GRID2: variants seen among roughly 807,000 people sequenced by gnomAD.
The protein encoded by GRID2 is glutamate receptor ionotropic, delta-2.
A neutral mutation model predicts 114.8 loss-of-function variants in GRID2; 33 were observed. The observed-to-expected ratio is 0.29, with a 90% CI of 0.22 to 0.38. The LOEUF is 0.38. GRID2 is among the 10% of genes least tolerant of loss of function. The pLI, the probability that GRID2 is intolerant of heterozygous loss-of-function variation, is 1.00. For synonymous variants in GRID2, 505 were observed against 449.9 expected (o/e 1.12, Z -1.55); for missense variants, 1,184 against 1,257.7 (o/e 0.94, Z 0.89).
At chr4:92,603,587 C>G (rs1729322302) in intron 2 of GRID2, among the ~76,000 whole-genome samples, 1 of 152,028 alleles carries the variant, frequency 6.6e-6, no homozygotes, top group South Asian at 2.1e-4. Context: ...GATAAAAACC[C>G]TACAAGAAAA....
chr4:92,874,679 A>G (rs184106599), intron 2 of GRID2, among the ~76,000 whole-genome samples: 20 of 152,312 alleles, frequency 1.3e-4, no homozygotes, highest in East Asian at 1.9e-4. Flanking sequence ...AATATTTTTC[A>G]TCTTTTCTAT....
At chr4:93,604,196 G>A (rs1459695794) in intron 13 of GRID2, among the ~76,000 whole-genome samples, 1 of 152,210 alleles carries the variant, frequency 6.6e-6, no homozygotes, top group African/African-American at 2.4e-5. Context: ...ATGGGAGGAA[G>A]TCAAAATGTC....
In GRID2 at chr4:93,660,648, A is replaced by C. The variant is rs148597188; in HGVS notation, c.2360+34213A>C. Among the ~76,000 whole-genome samples, 633 of 152,324 alleles carry C rather than the reference A, an allele frequency of 4.2e-3. 7 individuals are homozygous for C. Among genetic ancestry groups the C allele is most frequent in the African/African-American group, 0.015 (609 of 41,554 alleles). ...AGTTTAAAATTATAAATATGTCAAA[A>C]ATTGTGACAGTCTGAGATCTTATAT... On this transcript the variant is annotated intron_variant, in intron 14 of 15. Coordinates refer to ENST00000282020, the MANE Select transcript of GRID2 (RefSeq NM_001510.4).
intron 2 of GRID2, among the ~76,000 whole-genome samples, chr4:92,818,685 C>T (rs1357767828): frequency 6.6e-6 from 1 of 152,112 alleles, no homozygotes; most frequent in Non-Finnish European, 1.5e-5. Context: ...AATCTCTTAC[C>T]TCACCCAGAG....
At chr4:92,876,360 A>G (rs937306242) in intron 2 of GRID2, among the ~76,000 whole-genome samples, 1 of 151,476 alleles carries the variant, frequency 6.6e-6, no homozygotes, top group Admixed American at 6.6e-5. Flanking sequence ...GTGCAGTGGC[A>G]CCATCTCGGC....
intron 14 of GRID2, among the ~76,000 whole-genome samples, chr4:93,664,960 A>G (rs1348953567): frequency 6.6e-6 from 1 of 152,200 alleles, no homozygotes; most frequent in Non-Finnish European, 1.5e-5. Context: ...GTGTTTATCA[A>G]AATCATCATG....
At chr4:93,621,453 G>C (rs1328294725) in intron 13 of GRID2, among the ~76,000 whole-genome samples, 2 of 152,154 alleles carry the variant, frequency 1.3e-5, no homozygotes, top group Non-Finnish European at 2.9e-5. Flanking sequence ...GTTTAACCTA[G>C]TATGAAGGAC....
chr4:93,159,667 A>G (rs1203870408), intron 4 of GRID2, among the ~76,000 whole-genome samples: 1 of 150,636 alleles, frequency 6.6e-6, no homozygotes, highest in Non-Finnish European at 1.5e-5. Flanking sequence ...TGAAAATAAG[A>G]CAGATAAGAA....
intron 4 of GRID2, chr4:93,203,990 A>C (rs955309482): frequency 9.2e-5 from 14 of 152,176 alleles, no homozygotes; most frequent in Non-Finnish European, 1.6e-4. Context: ...TGGGAAATGT[A>C]GTCTAGCTGA....
chr4:93,549,490 A>G (rs1239504976), intron 13 of GRID2, among the ~76,000 whole-genome samples: 6 of 152,208 alleles, frequency 3.9e-5, no homozygotes. Context: ...TTTGAAGCAA[A>G]TTCATCGTGT....
chr4:93,022,764 T>G (rs926511153), intron 2 of GRID2, among the ~76,000 whole-genome samples: 1 of 152,150 alleles, frequency 6.6e-6, no homozygotes, highest in East Asian at 1.9e-4. Flanking sequence ...TAAAGTATTA[T>G]GCTCATTTTT....
At position 92,688,037 on chromosome 4, in the gene GRID2, C is replaced by CTTTTTTTT. The variant is rs760605020; in HGVS notation, c.244+97773_244+97780dup. Among the ~76,000 whole-genome samples, 267 of 44,680 alleles carry CTTTTTTTT rather than the reference C, an allele frequency of 6.0e-3. 28 individuals carry two copies. The highest frequency in any genetic ancestry group is 8.6e-3 in the Non-Finnish European group (212 of 24,666). The allele number at this position is 44,680 out of a possible 152,430, so 29.3% of individuals were successfully genotyped here. On this transcript the variant is annotated intron_variant, in intron 2 of 15. Transcript: ENST00000282020. ...GCCACATTGGTTGACCCTTCTTCTT[C>CTTTTTTTT]TTTTTTTTTTTTTTTTTTTTTTTTT... is the stretch of plus-strand genomic sequence containing the variant.
intron 2 of GRID2, among the ~76,000 whole-genome samples, chr4:93,028,384 A>G (rs1724076803): frequency 1.3e-5 from 2 of 152,160 alleles, no homozygotes; most frequent in South Asian, 4.1e-4. Flanking sequence ...TATCCATGGA[A>G]CTGCAAAACC....
intron 2 of GRID2, among the ~76,000 whole-genome samples, chr4:92,753,802 A>G (rs17019876): frequency 0.087 from 13,310 of 152,230 alleles, 672 homozygotes; most frequent in African/African-American, 0.14. Flanking sequence ...TGACTCCCCA[A>G]TGAACAAATG....
chr4:92,982,289 ATATAATAT>A (rs1448144426), intron 2 of GRID2, among the ~76,000 whole-genome samples: 1 of 152,048 alleles, frequency 6.6e-6, no homozygotes, highest in Non-Finnish European at 1.5e-5. Context: ...GTTGCAAAGT[ATATAATAT>A]TACCAGTTGA....
At chr4:93,379,033 G>C (rs1020366672) in intron 8 of GRID2, among the ~76,000 whole-genome samples, 3 of 151,882 alleles carry the variant, frequency 2.0e-5, no homozygotes, top group Admixed American at 6.6e-5. Flanking sequence ...AGTGATACCT[G>C]TTTTTTTATT....
At chr4:93,061,934 G>A (rs527341791) in intron 2 of GRID2, among the ~76,000 whole-genome samples, 1 of 152,048 alleles carries the variant, frequency 6.6e-6, no homozygotes, top group Non-Finnish European at 1.5e-5. Context: ...CTTACACTAA[G>A]CAATCTAGTT....
At chr4:92,947,360 A>C (rs1751716286) in intron 2 of GRID2, among the ~76,000 whole-genome samples, 1 of 152,018 alleles carries the variant, frequency 6.6e-6, no homozygotes, top group Admixed American at 6.6e-5. Flanking sequence ...TGCTATGTTT[A>C]ACAAAATAAT....
At chr4:92,560,730 G>C (rs1029170986) in intron 1 of GRID2, among the ~76,000 whole-genome samples, 3 of 151,832 alleles carry the variant, frequency 2.0e-5, no homozygotes, top group Non-Finnish European at 4.4e-5. Flanking sequence ...TCTTGAGACA[G>C]AGTGCCACTC....
Sources: gnomAD v4.1 joint callset for allele counts (sites outside exome capture counted in the v4.1 genomes callset) on GRCh38, gnomAD v4.1.1 for gene constraint, MANE v1.5 for transcripts, NCBI Gene and HGNC (gene_info 2026-07-23, HGNC 2026-07-21) for gene names.